KLHDC4: variants seen among roughly 807,000 people sequenced by gnomAD.
The protein encoded by KLHDC4 is kelch domain containing 4, also known as kelch domain-containing protein 4.
In KLHDC4, 90 loss-of-function variants were observed where a neutral mutation model predicts 62.4. The ratio of observed to expected loss-of-function variants is 1.44; its 90% confidence interval spans 1.22 to 1.72. The LOEUF is 1.72. Ranked by LOEUF, KLHDC4 falls within the 40% of genes most tolerant of loss-of-function variation. The probability of loss-of-function intolerance (pLI) is 0.00; values close to 1 mark genes in which losing one functional copy is unlikely to be tolerated. For missense variants in KLHDC4, 1,025 were observed against 699.7 expected (o/e 1.47, Z -5.25); for synonymous variants, 386 against 284.4 (o/e 1.36, Z -3.59).
intron 2 of KLHDC4, among the ~76,000 whole-genome samples, chr16:87,759,485 G>A (rs1038249211): frequency 6.6e-6 from 1 of 151,608 alleles, no homozygotes; most frequent in African/African-American, 2.4e-5. Context: ...AGTGGCTCAC[G>A]CCTGTAATCC....
At chr16:87,748,928 C>A in intron 4 of KLHDC4, 119 bp from the exon 5 acceptor site, 2 of 1,181,204 alleles carry the variant, frequency 1.7e-6, no homozygotes, top group Non-Finnish European at 2.3e-6. Context: ...ACATGACCAG[C>A]CCCACACTCA....
At chr16:87,705,358 G>A (rs1301671537), downstream of KLHDC4, among the ~76,000 whole-genome samples, 1 of 152,260 alleles carries the variant, frequency 6.6e-6, no homozygotes, top group Admixed American at 6.5e-5. Context: ...CCTGTGTTGT[G>A]TTCCGCGTCT....
intron 5 of KLHDC4, among the ~76,000 whole-genome samples, chr16:87,745,679 C>T (rs538051786): frequency 4.6e-5 from 7 of 152,220 alleles, no homozygotes; most frequent in Non-Finnish European, 7.3e-5. Context: ...GTCTTCAAGA[C>T]GACATTGGGG....
chr16:87,757,329 A>T lies in KLHDC4; in HGVS notation c.192-852T>A, dbSNP rs574154730. ...CTAAAAATAGAAAAATTAGCTGGGC[A>T]TGGTGGTGCGTGCCTATGGTCCCAG... On this transcript the variant is annotated intron_variant, in intron 2 of 11. Coordinates refer to ENST00000270583, the MANE Select transcript of KLHDC4 (RefSeq NM_017566.4). 2.0e-5 allele frequency: 3 copies of T among 151,890 alleles called. No individual in the cohort carries two copies. In the East Asian group the frequency reaches 5.9e-4, roughly 30 times the overall value. 9.4% of individuals were successfully genotyped at this position (151,890 alleles called of 1,614,324 possible).
chr16:87,707,427 G>T (rs1356217963), downstream of KLHDC4, among the ~76,000 whole-genome samples: 1 of 152,194 alleles, frequency 6.6e-6, no homozygotes, highest in African/African-American at 2.4e-5. Context: ...TGGCTCCCAG[G>T]AGTGAGGCCG....
At position 87,730,768 on chromosome 16, in the gene KLHDC4, C is replaced by A. The variant is rs1336799323; in HGVS notation, c.507-124G>T. On this transcript the variant is annotated intron_variant, in intron 5 of 11. Transcript: ENST00000270583. ...CTGTTTTGTGAGCACTTACTGCTCACAAATTAAATACCATTTAATCTGATC... is the reference window on the plus strand; with the variant it reads ...CTGTTTTGTGAGCACTTACTGCTCAAAAATTAAATACCATTTAATCTGATC... 7 of 765,210 alleles carry A rather than the reference C, an allele frequency of 9.1e-6. No homozygotes were observed. In the East Asian group the frequency reaches 1.8e-4, roughly 20 times the overall value. 47.4% of individuals were successfully genotyped at this position (765,210 alleles called of 1,614,324 possible).
chr16:87,718,982 C>T (rs1184777119), intron 7 of KLHDC4, among the ~76,000 whole-genome samples: 7 of 151,002 alleles, frequency 4.6e-5, no homozygotes, highest in South Asian at 2.1e-4. Flanking sequence ...GGAGCCCCTC[C>T]GCCCGGCAGC....
At chr16:87,712,442 G>C (rs190764355) in intron 8 of KLHDC4, among the ~76,000 whole-genome samples, 4 of 152,226 alleles carry the variant, frequency 2.6e-5, no homozygotes, top group Admixed American at 2.6e-4. Flanking sequence ...GCCACACAGG[G>C]CAGGACCCTC....
chr16:87,764,634 G>A (rs1206181690), intron 1 of KLHDC4, among the ~76,000 whole-genome samples: 1 of 95,352 alleles, frequency 1.0e-5, no homozygotes, highest in African/African-American at 4.4e-5. Context: ...GGCAACAAGA[G>A]TGAAACTCCT....
Position 87,765,942 on chromosome 16 carries a change from C to A in KLHDC4, c.-52G>T, listed in dbSNP as rs1007792724. The A allele has an allele frequency of 1.2e-5, 19 of 1,520,676 alleles. No individual in the cohort carries two copies. The highest frequency in any genetic ancestry group is 4.1e-5 in the African/African-American group (3 of 72,468). The allele number at this position is 1,520,676 out of a possible 1,614,324, so 94.2% of individuals were successfully genotyped here. ...ACACCAGGAAAGAAAACGGCCCGCG[C>A]TCTCCGCTCGGAAACAGGTGCTCGT... On this transcript the variant is annotated 5_prime_UTR_variant, in exon 1 of 12. Transcript: ENST00000270583.
chr16:87,726,902 C>G lies in KLHDC4; in HGVS notation c.622G>C (p.Val208Leu). 1 of 1,613,978 alleles carries G rather than the reference C, an allele frequency of 6.2e-7. No homozygotes were observed. Among genetic ancestry groups the G allele is most frequent in the African/African-American group, 1.3e-5 (1 of 75,018 alleles). Residue 208 changes from valine (V) to leucine (L), a missense_variant, in exon 7 of 12, where the codon GTG becomes CTG. Transcript: ENST00000270583. ...STRDYIYYND[V>L]YAFNLDTFTW... is the part of the protein sequence containing the mutation. ...AAGGTGTCCAGATTAAAGGCATACACGTCGTTGTAGTAGATGTAATCCCTG... is the reference window on the plus strand; with the variant it reads ...AAGGTGTCCAGATTAAAGGCATACAGGTCGTTGTAGTAGATGTAATCCCTG...
intron 7 of KLHDC4, among the ~76,000 whole-genome samples, chr16:87,725,467 A>G (rs770062156): frequency 1.3e-5 from 2 of 152,212 alleles, no homozygotes; most frequent in African/African-American, 2.4e-5. Flanking sequence ...GCCCAGCCTA[A>G]GCATAGCAAA....
chr16:87,702,796 G>A (rs1029257916), upstream of KLHDC4, among the ~76,000 whole-genome samples: 5 of 152,256 alleles, frequency 3.3e-5, no homozygotes, highest in Admixed American at 3.3e-4. Flanking sequence ...CCTGGCGCAT[G>A]TGAACTGCTT....
rs1597420467 is a variant in KLHDC4, at chr16:87,715,308, G to C, written c.760-735C>G. Among the ~76,000 whole-genome samples the C allele has an allele frequency of 3.9e-5, 6 of 152,244 alleles. No homozygotes were observed. The South Asian group carries it at 1.2e-3, about 32-fold the overall frequency. On this transcript the variant is annotated intron_variant, in intron 7 of 11. Coordinates refer to ENST00000270583, the MANE Select transcript of KLHDC4 (RefSeq NM_017566.4). ...AGAAGTTTTGTATTTGCAGAAAATT[G>C]AGACGATAGTACCGAGAGCTCTCAC...
intron 7 of KLHDC4, among the ~76,000 whole-genome samples, chr16:87,719,281 G>A (rs548751337): frequency 6.6e-6 from 1 of 152,372 alleles, no homozygotes; most frequent in Non-Finnish European, 1.5e-5. Context: ...GTGTCTGTGT[G>A]CAAAGAGGTA....
At chr16:87,744,272 G>A (rs906895305) in intron 5 of KLHDC4, among the ~76,000 whole-genome samples, 7 of 151,994 alleles carry the variant, frequency 4.6e-5, no homozygotes, top group East Asian at 1.9e-4. Flanking sequence ...AAAATTAGCC[G>A]GGCATGGTGG....
chr16:87,724,661 CAG>C (rs1376209440), intron 7 of KLHDC4, among the ~76,000 whole-genome samples: 2 of 152,188 alleles, frequency 1.3e-5, no homozygotes, highest in Non-Finnish European at 2.9e-5. Flanking sequence ...CAGCTAAAAA[CAG>C]AAAGACTGAC....
Position 87,711,251 on chromosome 16 carries a change from A to C in KLHDC4, c.1028T>G (p.Phe343Cys). The C allele has an allele frequency of 6.2e-7, 1 of 1,614,072 alleles. No individual in the cohort carries two copies. Among genetic ancestry groups the C allele is most frequent in the Non-Finnish European group, 8.5e-7 (1 of 1,180,016 alleles). ...TTGCACTACCTTCAGCTGTCCCTCAAACCAACGGTTCCTGGTGGCGTCGTA... is the reference window on the plus strand; with the variant it reads ...TTGCACTACCTTCAGCTGTCCCTCACACCAACGGTTCCTGGTGGCGTCGTA... ...YFYDATRNRWFEGQLKGPKSE... is the reference protein window; with the variant it reads ...YFYDATRNRWCEGQLKGPKSE... Residue 343 changes from phenylalanine to cysteine, a missense_variant, in exon 9 of 12, where the codon TTT becomes TGT. Physicochemically the swap from Phe to Cys is radical, Grantham distance 205. Transcript: ENST00000270583.
At chr16:87,758,607 G>A (rs938587946) in intron 2 of KLHDC4, among the ~76,000 whole-genome samples, 1 of 152,122 alleles carries the variant, frequency 6.6e-6, no homozygotes, top group Non-Finnish European at 1.5e-5. Context: ...TGGCTTCCCT[G>A]GGCTACAATG....
Sources: gnomAD v4.1 joint callset for allele counts (sites outside exome capture counted in the v4.1 genomes callset) on GRCh38, gnomAD v4.1.1 for gene constraint, MANE v1.5 for transcripts, NCBI Gene and HGNC (gene_info 2026-07-23, HGNC 2026-07-21) for gene names.